MAP3K9: variants seen among roughly 807,000 people sequenced by gnomAD.
MAP3K9 encodes the protein mixed lineage kinase 1 (tyr and ser/thr specificity).
In MAP3K9, 46 loss-of-function variants were observed where a neutral mutation model predicts 95.8. The observed-to-expected ratio is 0.48, with a 90% CI of 0.38 to 0.61. The LOEUF is 0.61. Ranked by LOEUF, MAP3K9 falls within the 20% of genes least tolerant of loss-of-function variation. The pLI is 0.00. For synonymous variants in MAP3K9, 533 were observed against 593.8 expected, an observed-to-expected ratio of 0.90 and a Z score of 1.49; for missense variants, 1,296 against 1,474.3, an observed-to-expected ratio of 0.88 and a Z score of 1.98.
At chr14:70,753,697 G>A (rs1393746673) in intron 3 of MAP3K9, among the ~76,000 whole-genome samples, 1 of 152,130 alleles carries the variant, frequency 6.6e-6, no homozygotes, top group African/African-American at 2.4e-5. Context: ...AGCTCCCACA[G>A]TGCTGCCAGT....
chr14:70,783,098 A>AGTCTCT, intron 2 of MAP3K9: 1 of 182,764 alleles, frequency 5.5e-6, no homozygotes, highest in Non-Finnish European at 1.0e-5. Context: ...GAAGGTCATT[A>AGTCTCT]TCCCAGTCTC....
chr14:70,744,097 C>A (rs1398688450), intron 5 of MAP3K9, among the ~76,000 whole-genome samples: 2 of 152,120 alleles, frequency 1.3e-5, no homozygotes, highest in Non-Finnish European at 2.9e-5. Context: ...TAAACTAACA[C>A]AAGAACAGAA....
chr14:70,740,101 T>C lies in MAP3K9; in HGVS notation c.1631A>G (p.Asn544Ser). 1.9e-6 allele frequency: 3 copies of C among 1,614,080 alleles called. No individual in the cohort carries two copies. Among genetic ancestry groups the C allele is most frequent in the Non-Finnish European group, 2.5e-6 (3 of 1,179,984 alleles). Residue 544 changes from asparagine to serine, a missense_variant, in exon 7 of 12, where the codon AAC becomes AGC. Around this residue, in one of 5 missense-constraint regions of MAP3K9, gnomAD observed 377 missense variants for 417.1 expected, o/e 0.90. Transcript: ENST00000554752. Reference protein sequence around the residue: ...PTMDKRKSLINSRSSPPASPT... With the variant: ...PTMDKRKSLISSRSSPPASPT... The stretch of plus-strand genomic sequence containing the variant: ...GCTTGCAGGAGGACTGGAGCGGCTG[T>C]TGATAAGACTCTTCCTTTTATCCAT...
At chr14:70,756,621 C>T (rs1221007920) in intron 3 of MAP3K9, among the ~76,000 whole-genome samples, 3 of 152,182 alleles carry the variant, frequency 2.0e-5, no homozygotes, top group South Asian at 4.1e-4. Context: ...AGATAAACTG[C>T]GCTTGCCATG....
intron 5 of MAP3K9, among the ~76,000 whole-genome samples, chr14:70,745,514 G>C (rs926421668): frequency 6.6e-6 from 1 of 152,124 alleles, no homozygotes; most frequent in Non-Finnish European, 1.5e-5. Flanking sequence ...GAGGCAGGCG[G>C]ATCACCTGAG....
intron 2 of MAP3K9, among the ~76,000 whole-genome samples, chr14:70,790,682 T>G (rs2054797781): frequency 6.6e-6 from 1 of 152,218 alleles, no homozygotes; most frequent in Non-Finnish European, 1.5e-5. Flanking sequence ...CGTGGTTCCC[T>G]GGCCCTATGT....
Position 70,733,081 on chromosome 14 carries a change from G to A in MAP3K9, c.2288C>T (p.Thr763Ile), listed in dbSNP as rs748056144. ...TTCCAGCAAGTCAAACCCTAGGCCT[G>A]TGGCTGCCAGAACAGCCCCACAGCC... is the stretch of plus-strand genomic sequence containing the variant. Reference protein sequence around the residue: ...LLGCGAVLAATGLGFDLLEAG... With the variant: ...LLGCGAVLAAIGLGFDLLEAG... The change falls in exon 11 of 12, where the codon ACA (threonine) becomes ATA (isoleucine). Residue 763 changes from threonine to isoleucine, a missense_variant. Transcript: ENST00000554752. 6.2e-7 allele frequency: 1 copy of A among 1,614,136 alleles called. No homozygotes were observed. Among genetic ancestry groups the A allele is most frequent in the South Asian group, 1.1e-5 (1 of 91,086 alleles).
At chr14:70,796,822 G>A (rs2054869759) in intron 2 of MAP3K9, among the ~76,000 whole-genome samples, 1 of 152,152 alleles carries the variant, frequency 6.6e-6, no homozygotes, top group Non-Finnish European at 1.5e-5. Context: ...ATGAGGGAGT[G>A]AAAAATAGGA....
chr14:70,770,658 CTTCCCCAGGT>C (rs1208275381), intron 2 of MAP3K9, among the ~76,000 whole-genome samples: 1 of 152,168 alleles, frequency 6.6e-6, no homozygotes, highest in Non-Finnish European at 1.5e-5. Context: ...CTGCCCCAGG[CTTCCCCAGGT>C]AGTCAGTCCT....
chr14:70,733,713 G>A, intron 10 of MAP3K9: 2 of 718,216 alleles, frequency 2.8e-6, no homozygotes. Flanking sequence ...TGTTTCCAGG[G>A]GAGACTAAGA....
intron 2 of MAP3K9, among the ~76,000 whole-genome samples, chr14:70,764,002 G>C (rs1294676991): frequency 1.3e-5 from 2 of 149,446 alleles, no homozygotes; most frequent in East Asian, 3.9e-4. Context: ...TGGCTAACAA[G>C]GTGAAACCCC....
At chr14:70,757,456 GA>G (rs35189989) in intron 3 of MAP3K9, among the ~76,000 whole-genome samples, 59,532 of 113,726 alleles carry the variant, frequency 0.52, 13,432 homozygotes, top group African/African-American at 0.63. Context: ...GACCCTGTCC[GA>G]AAAAAAAAAA....
intron 6 of MAP3K9, among the ~76,000 whole-genome samples, 183 bp downstream of exon 6, chr14:70,742,168 T>G (rs966898326): frequency 6.6e-6 from 1 of 152,156 alleles, no homozygotes; most frequent in African/African-American, 2.4e-5. Flanking sequence ...ACAATTTCCC[T>G]GGAGTAGGGT....
chr14:70,792,800 T>C (rs2054820703), intron 2 of MAP3K9, among the ~76,000 whole-genome samples: 1 of 152,156 alleles, frequency 6.6e-6, no homozygotes, highest in Non-Finnish European at 1.5e-5. Flanking sequence ...GTCAGGAGCT[T>C]TGGCTAGTGT....
At chr14:70,733,585 G>A (rs1268932235) in intron 10 of MAP3K9, among the ~76,000 whole-genome samples, 2 of 152,166 alleles carry the variant, frequency 1.3e-5, no homozygotes, top group African/African-American at 2.4e-5. Flanking sequence ...TAAAAGATCC[G>A]CTAATTTGCC....
chr14:70,776,482 C>T (rs890191089), intron 2 of MAP3K9, among the ~76,000 whole-genome samples: 6 of 152,082 alleles, frequency 3.9e-5, no homozygotes, highest in African/African-American at 1.4e-4. Flanking sequence ...AATTCAATAC[C>T]ATGCCTCATC....
intron 3 of MAP3K9, among the ~76,000 whole-genome samples, chr14:70,760,771 C>A (rs923402566): frequency 6.6e-6 from 1 of 152,126 alleles, no homozygotes; most frequent in African/African-American, 2.4e-5. Flanking sequence ...GGAGCAATCA[C>A]CAGCAAAAAG....
chr14:70,803,277 T>C (rs1408704899), intron 1 of MAP3K9, among the ~76,000 whole-genome samples: 2 of 134,184 alleles, frequency 1.5e-5, no homozygotes, highest in South Asian at 2.3e-4. Context: ...TATTCCTTCA[T>C]AGCAATGCAG....
chr14:70,783,529 T>C (rs1479458436), intron 2 of MAP3K9: 1 of 430,440 alleles, frequency 2.3e-6, no homozygotes, highest in African/African-American at 2.1e-5. Flanking sequence ...AAAATCCAAA[T>C]TCTCTTTGTG....
Sources: gnomAD v4.1 joint callset for allele counts (sites outside exome capture counted in the v4.1 genomes callset) on GRCh38, gnomAD v4.1.1 for gene constraint, gnomAD v4.1.1 regional missense constraint, MANE v1.5 for transcripts, NCBI Gene and HGNC (gene_info 2026-07-23, HGNC 2026-07-21) for gene names.